SEMA3C: variants seen among roughly 807,000 people sequenced by gnomAD.
SEMA3C encodes the protein semaphorin 3C, also known as semaphorin-3C.
SEMA3C carries 47 observed loss-of-function variants against 89.4 expected under a neutral mutation model. The ratio of observed to expected loss-of-function variants is 0.53; its 90% CI spans 0.42 to 0.67. SEMA3C has a LOEUF of 0.67. SEMA3C is among the 30% of genes least tolerant of loss of function. The probability of loss-of-function intolerance (pLI) is 0.00; values close to 1 mark genes in which losing one functional copy is unlikely to be tolerated. For synonymous variants in SEMA3C, 310 were observed against 320.2 expected (o/e 0.97, Z 0.34); for missense variants, 839 against 929.1 (o/e 0.90, Z 1.26).
At chr7:80,784,366 A>G (rs1298380066) in intron 12 of SEMA3C, among the ~76,000 whole-genome samples, 2 of 152,042 alleles carry the variant, frequency 1.3e-5, no homozygotes, top group African/African-American at 2.4e-5. Context: ...CATTTTTTCA[A>G]CCTGTGATTT....
chr7:80,756,287 A>G (rs896587298), intron 15 of SEMA3C, among the ~76,000 whole-genome samples: 1 of 152,052 alleles, frequency 6.6e-6, no homozygotes, highest in African/African-American at 2.4e-5. Flanking sequence ...ACATCCAAAT[A>G]TATCAATAGA....
chr7:80,914,961 C>T (rs1792234009), intron 2 of SEMA3C, among the ~76,000 whole-genome samples: 2 of 152,064 alleles, frequency 1.3e-5, no homozygotes, highest in Non-Finnish European at 2.9e-5. Flanking sequence ...TTTTCAAATA[C>T]AGAATTGGTT....
chr7:80,919,571 T>C (rs1562986862), upstream of SEMA3C, among the ~76,000 whole-genome samples: 1 of 118,398 alleles, frequency 8.4e-6, no homozygotes, highest in Non-Finnish European at 1.6e-5. Flanking sequence ...TTTTTTTTTG[T>C]TTTTTGTTTT....
At chr7:80,799,544 C>T (rs528706885) in intron 10 of SEMA3C, among the ~76,000 whole-genome samples, 17 of 152,190 alleles carry the variant, frequency 1.1e-4, no homozygotes, top group African/African-American at 3.9e-4. Flanking sequence ...AATAATCTCA[C>T]ATAGAATAAG....
chr7:80,828,706 G>A lies in SEMA3C; in HGVS notation c.143C>T (p.Ser48Phe). 6.2e-7 allele frequency: 1 copy of A among 1,611,194 alleles called. No homozygotes were observed. Among genetic ancestry groups the A allele is most frequent in the African/African-American group, 1.3e-5 (1 of 74,962 alleles). ...AATCCTGTAGTCTAAAGGATGGTGG[G>A]AAAGGCTGAAGTATTCAGAGGTCTT... is the stretch of plus-strand genomic sequence containing the variant. Reference protein sequence around the residue: ...ETKTSEYFSLSHHPLDYRILL... With the variant: ...ETKTSEYFSLFHHPLDYRILL... The change falls in exon 3 of 18, where the codon TCC becomes TTC. Residue 48 changes from serine (S) to phenylalanine (F), a missense_variant. By Grantham distance (155) the Ser-to-Phe change is radical. Transcript: ENST00000265361.
At chr7:80,841,621 A>G (rs1360983027) in intron 2 of SEMA3C, among the ~76,000 whole-genome samples, 1 of 152,170 alleles carries the variant, frequency 6.6e-6, no homozygotes, top group Non-Finnish European at 1.5e-5. Flanking sequence ...CTTCAGAATG[A>G]TGGAGGACCA....
At chr7:80,872,797 CAAAAAAAA>C (rs1218885274) in intron 2 of SEMA3C, among the ~76,000 whole-genome samples, 9 of 40,100 alleles carry the variant, frequency 2.2e-4, no homozygotes, top group African/African-American at 6.8e-4. Flanking sequence ...GAGACTCTGT[CAAAAAAAA>C]AAAAAAAAAA....
At chr7:80,898,322 C>T (rs752806543) in intron 2 of SEMA3C, among the ~76,000 whole-genome samples, 34 of 152,150 alleles carry the variant, frequency 2.2e-4, no homozygotes, top group African/African-American at 4.1e-4. Flanking sequence ...GCCGAGATCG[C>T]GCCACTGCAC....
chr7:80,850,798 G>A (rs192997854), intron 2 of SEMA3C, among the ~76,000 whole-genome samples: 103 of 152,186 alleles, frequency 6.8e-4, no homozygotes, highest in African/African-American at 2.2e-3. Flanking sequence ...GTATTAAATC[G>A]ATGCATGCAT....
At chr7:80,810,230 AAAC>A (rs905632490) in intron 6 of SEMA3C, among the ~76,000 whole-genome samples, 1 of 152,170 alleles carries the variant, frequency 6.6e-6, no homozygotes, top group Non-Finnish European at 1.5e-5. Context: ...TGTCAACTAA[AAAC>A]AAATAAAAAA....
intron 14 of SEMA3C, among the ~76,000 whole-genome samples, chr7:80,760,843 T>C (rs1030875032): frequency 3.3e-5 from 5 of 152,222 alleles, no homozygotes; most frequent in Admixed American, 6.5e-5. Flanking sequence ...TTGTACATTA[T>C]GGTCAGATTG....
intron 5 of SEMA3C, among the ~76,000 whole-genome samples, chr7:80,814,720 C>T (rs1236643626): frequency 6.6e-6 from 1 of 152,126 alleles, no homozygotes; most frequent in Non-Finnish European, 1.5e-5. Context: ...GGCAACTACA[C>T]AATTAAAGAG....
At chr7:80,840,921 A>G (rs1182034526) in intron 2 of SEMA3C, among the ~76,000 whole-genome samples, 2 of 152,170 alleles carry the variant, frequency 1.3e-5, no homozygotes, top group Non-Finnish European at 2.9e-5. Flanking sequence ...CTGAAGGATA[A>G]AGTTGAGCTA....
At chr7:80,763,455 CT>C (rs1460495399) in intron 13 of SEMA3C, among the ~76,000 whole-genome samples, 1 of 152,088 alleles carries the variant, frequency 6.6e-6, no homozygotes, top group Non-Finnish European at 1.5e-5. Context: ...AAAACTCAGA[CT>C]TTTTTTGGTG....
chr7:80,755,759 T>A (rs929412938), intron 15 of SEMA3C, among the ~76,000 whole-genome samples: 1 of 152,024 alleles, frequency 6.6e-6, no homozygotes, highest in African/African-American at 2.4e-5. Flanking sequence ...GAAAAACAAA[T>A]ATGGTTGAAA....
chr7:80,921,772 G>C (rs1792413752), upstream of SEMA3C, among the ~76,000 whole-genome samples: 1 of 152,142 alleles, frequency 6.6e-6, no homozygotes, highest in Admixed American at 6.5e-5. Flanking sequence ...CTTACACACT[G>C]AAGTGTCTCT....
chr7:80,818,713 G>C (rs1308121525), intron 4 of SEMA3C, among the ~76,000 whole-genome samples: 1 of 152,150 alleles, frequency 6.6e-6, no homozygotes, highest in Non-Finnish European at 1.5e-5. Flanking sequence ...TTACGAATTT[G>C]TGCTGGGCCA....
intron 2 of SEMA3C, among the ~76,000 whole-genome samples, chr7:80,874,511 G>A (rs1224162463): frequency 1.3e-5 from 2 of 150,330 alleles, no homozygotes; most frequent in African/African-American, 4.9e-5. Flanking sequence ...TTGTTGCCCA[G>A]GCTGGAGTGC....
In SEMA3C at chr7:80,784,158, A is replaced by C. The variant is rs548224174; in HGVS notation, c.1354+5148T>G. On this transcript the variant is annotated intron_variant, in intron 12 of 17. Transcript: ENST00000265361. ...GGCAAAAATCTCTTGACTGTGTTACACAGTCTGCTTTGAACAAACAGCCTG... is the reference window on the plus strand; with the variant it reads ...GGCAAAAATCTCTTGACTGTGTTACCCAGTCTGCTTTGAACAAACAGCCTG... Among the ~76,000 whole-genome samples the C allele has an allele frequency of 6.6e-5, 10 of 152,272 alleles. No individual in the cohort carries two copies. In the East Asian group the frequency reaches 1.9e-3, roughly 29 times the overall value.
Sources: allele counts gnomAD v4.1 joint callset (sites outside exome capture counted in the v4.1 genomes callset), GRCh38; gene constraint gnomAD v4.1.1; transcripts MANE v1.5; gene names NCBI Gene and HGNC (gene_info 2026-07-23, HGNC 2026-07-21).